The following NTM variants were observed in gnomAD, a reference collection of about 807,000 sequenced individuals.
NTM encodes neurotrimin.
Under a neutral mutation model 42.1 loss-of-function variants are expected in NTM, and 13 were observed. That is an observed-to-expected ratio of 0.31 (90% CI 0.20 to 0.49). NTM has a LOEUF of 0.49. Ranked by LOEUF, NTM falls within the 20% of genes least tolerant of loss-of-function variation. NTM has a pLI of 0.99. For synonymous variants in NTM, 187 were observed against 179.2 expected, an observed-to-expected ratio of 1.04 and a Z score of -0.35; for missense variants, 373 against 452.8, an observed-to-expected ratio of 0.82 and a Z score of 1.60.
intron 2 of NTM, among the ~76,000 whole-genome samples, chr11:132,001,730 G>T (rs1224205439): frequency 6.6e-6 from 1 of 151,762 alleles, no homozygotes; most frequent in Non-Finnish European, 1.5e-5. Flanking sequence ...ATAAGATTTG[G>T]CAGGGACATG....
chr11:131,675,296 C>T (rs1053211959), intron 1 of NTM, among the ~76,000 whole-genome samples: 7 of 152,150 alleles, frequency 4.6e-5, no homozygotes, highest in African/African-American at 1.4e-4. Context: ...CAATATATCA[C>T]GGGTGGTTTT....
intron 2 of NTM, among the ~76,000 whole-genome samples, chr11:132,057,028 A>G (rs2079799604): frequency 6.6e-6 from 1 of 152,222 alleles, no homozygotes; most frequent in Non-Finnish European, 1.5e-5. Flanking sequence ...CCCCACAGAA[A>G]AATGAAAGTG....
intron 1 of NTM, among the ~76,000 whole-genome samples, chr11:131,599,825 G>A (rs1300245745): frequency 6.6e-6 from 1 of 152,212 alleles, no homozygotes; most frequent in African/African-American, 2.4e-5. Context: ...ATGAAGAATG[G>A]TTGGGGATTT....
intron 1 of NTM, among the ~76,000 whole-genome samples, chr11:131,543,976 C>A (rs1021941839): frequency 6.6e-6 from 1 of 152,218 alleles, no homozygotes; most frequent in African/African-American, 2.4e-5. Context: ...CCTCTCGTCT[C>A]TTCCCAGGAA....
intron 1 of NTM, among the ~76,000 whole-genome samples, chr11:131,477,988 G>A (rs528675036): frequency 2.1e-4 from 32 of 152,142 alleles, no homozygotes; most frequent in Non-Finnish European, 3.8e-4. Context: ...TCTGGCCCAC[G>A]CTGCACTAGA....
At chr11:132,303,329 C>T (rs894590683) in intron 4 of NTM, among the ~76,000 whole-genome samples, 8 of 152,204 alleles carry the variant, frequency 5.3e-5, no homozygotes, top group African/African-American at 9.6e-5. Context: ...AACCCTCCCT[C>T]GCCTCTCCTG....
At chr11:132,143,543 T>C (rs2069644648) in intron 2 of NTM, among the ~76,000 whole-genome samples, 1 of 152,204 alleles carries the variant, frequency 6.6e-6, no homozygotes, top group South Asian at 2.1e-4. Context: ...CCTCAGCTAA[T>C]TTTGTCTGTA....
chr11:131,519,031 A>G (rs546768617), intron 1 of NTM, among the ~76,000 whole-genome samples: 1 of 152,356 alleles, frequency 6.6e-6, no homozygotes, highest in South Asian at 2.1e-4. Context: ...TAGAGACTAA[A>G]TGAATAGAAA....
chr11:131,798,019 A>G (rs1186069100), intron 1 of NTM, among the ~76,000 whole-genome samples: 1 of 152,216 alleles, frequency 6.6e-6, no homozygotes, highest in Non-Finnish European at 1.5e-5. Context: ...TTTACCTTTC[A>G]TAATGGTCTA....
At chr11:132,025,629 C>T (rs1249759831) in intron 2 of NTM, among the ~76,000 whole-genome samples, 1 of 152,160 alleles carries the variant, frequency 6.6e-6, no homozygotes, top group African/African-American at 2.4e-5. Context: ...ACTGTGACTA[C>T]CCACTGGGAT....
At chr11:132,066,686 G>A (rs554290785) in intron 2 of NTM, among the ~76,000 whole-genome samples, 3 of 152,162 alleles carry the variant, frequency 2.0e-5, no homozygotes, top group Non-Finnish European at 4.4e-5. Flanking sequence ...ATTCTTCAAG[G>A]CCAACATTTT....
chr11:132,278,813 G>C (rs1029465953), intron 4 of NTM, among the ~76,000 whole-genome samples: 51 of 143,254 alleles, frequency 3.6e-4, no homozygotes, highest in Non-Finnish European at 6.3e-4. Context: ...TAATCTCCAG[G>C]GTGGCTCTGA....
chr11:131,682,754 A>G (rs932592647), intron 1 of NTM, among the ~76,000 whole-genome samples: 1 of 151,986 alleles, frequency 6.6e-6, no homozygotes, highest in Non-Finnish European at 1.5e-5. Flanking sequence ...TCTGACAGCC[A>G]TATCCGAAAT....
Position 131,400,529 on chromosome 11 carries a change from G to C in NTM, c.82+29641G>C, listed in dbSNP as rs533557476. Among the ~76,000 whole-genome samples, 6 of 152,272 alleles carry C rather than the reference G, an allele frequency of 3.9e-5. No individual in the cohort carries two copies. In the East Asian group the frequency reaches 7.7e-4, roughly 20 times the overall value. On this transcript the variant is annotated intron_variant, in intron 1 of 8. Coordinates refer to ENST00000683400, the MANE Select transcript of NTM (RefSeq NM_001352005.2). ...TGTGACCTTCAACAATTTATTTACT[G>C]TCTCTCCCAGCTTTGGTTTTGTCAA... is the stretch of plus-strand genomic sequence containing the variant.
At chr11:131,500,068 C>T (rs142344604) in intron 1 of NTM, among the ~76,000 whole-genome samples, 2,100 of 152,298 alleles carry the variant, frequency 0.014, 19 homozygotes, top group Non-Finnish European at 0.021. Flanking sequence ...CCCTAGGTCT[C>T]AGGCTGTATG....
At chr11:132,261,062 G>A (rs2139536388) in intron 4 of NTM, among the ~76,000 whole-genome samples, 1 of 152,342 alleles carries the variant, frequency 6.6e-6, no homozygotes, top group Non-Finnish European at 1.5e-5. Context: ...TCATGCACAT[G>A]TCTGTTAGCC....
chr11:131,652,990 T>C (rs1335300637), intron 1 of NTM, among the ~76,000 whole-genome samples: 1 of 151,964 alleles, frequency 6.6e-6, no homozygotes, highest in African/African-American at 2.4e-5. Context: ...CTCCAAAACA[T>C]CTCCATAAAA....
intron 1 of NTM, among the ~76,000 whole-genome samples, chr11:131,713,757 A>C (rs116350792): frequency 0.016 from 2,378 of 152,316 alleles, 61 homozygotes; most frequent in African/African-American, 0.053. Context: ...TTGCCTCCTC[A>C]GAAGAAAGAC....
chr11:131,898,437 G>A (rs1052146529), intron 1 of NTM, among the ~76,000 whole-genome samples: 1 of 152,160 alleles, frequency 6.6e-6, no homozygotes, highest in Admixed American at 6.5e-5. Context: ...CTGAGATCGA[G>A]TGATTATAAA....
Sources: gnomAD v4.1 joint callset for allele counts (sites outside exome capture counted in the v4.1 genomes callset) on GRCh38, gnomAD v4.1.1 for gene constraint, MANE v1.5 for transcripts, NCBI Gene and HGNC (gene_info 2026-07-23, HGNC 2026-07-21) for gene names.